FNDC3B: variants seen among roughly 807,000 people sequenced by gnomAD.
FNDC3B encodes fibronectin type III domain containing 3B.
A neutral mutation model predicts 151.5 loss-of-function variants in FNDC3B; 12 were observed. The observed-to-expected ratio is 0.08, with a 90% confidence interval of 0.05 to 0.13. The LOEUF is 0.13. Among genes scored for constraint, FNDC3B ranks in the 10% least tolerant of loss-of-function variants. The probability of loss-of-function intolerance (pLI) is 1.00; values close to 1 mark genes in which losing one functional copy is unlikely to be tolerated. For missense variants in FNDC3B, 1,214 were observed against 1,505.3 expected (o/e 0.81, Z 3.20); for synonymous variants, 528 against 549.0 (o/e 0.96, Z 0.54).
intron 15 of FNDC3B, chr3:172,335,315 A>G (rs1732906486): frequency 1.6e-5 from 6 of 381,898 alleles, no homozygotes; most frequent in Non-Finnish European, 4.6e-6. Context: ...GGAAATTAAA[A>G]TGGATGATTT....
At chr3:172,370,698 G>T (rs539861981) in intron 23 of FNDC3B, among the ~76,000 whole-genome samples, 1 of 152,142 alleles carries the variant, frequency 6.6e-6, no homozygotes, top group Non-Finnish European at 1.5e-5. Context: ...GCTCTGTCCC[G>T]CCATGGAGTA....
At chr3:172,285,872 A>G (rs1729982038) in intron 6 of FNDC3B, 54 bp from the exon 7 acceptor site, 3 of 1,391,144 alleles carry the variant, frequency 2.2e-6, no homozygotes, top group Admixed American at 1.7e-5. Context: ...GAACTTGACA[A>G]CCTTACTGCC....
chr3:172,310,367 G>A (rs940993132), intron 10 of FNDC3B, among the ~76,000 whole-genome samples: 2 of 152,212 alleles, frequency 1.3e-5, no homozygotes, highest in South Asian at 4.1e-4. Flanking sequence ...GTCGCTGATG[G>A]CTTTCTAATC....
chr3:172,063,214 A>G (rs1025555850), intron 1 of FNDC3B, among the ~76,000 whole-genome samples: 20 of 151,960 alleles, frequency 1.3e-4, no homozygotes, highest in African/African-American at 4.6e-4. Context: ...GTCTTTTTCT[A>G]CAGTCTATTC....
chr3:172,337,828 A>T (rs927690642), intron 16 of FNDC3B: 2 of 205,720 alleles, frequency 9.7e-6, no homozygotes, highest in African/African-American at 4.8e-5. Context: ...TACATTTTTC[A>T]TAGTGATGGG....
At chr3:172,066,101 C>T (rs1358680260) in intron 1 of FNDC3B, among the ~76,000 whole-genome samples, 1 of 152,128 alleles carries the variant, frequency 6.6e-6, no homozygotes, top group African/African-American at 2.4e-5. Context: ...ATTTGGGTTG[C>T]GTTTGCTTGT....
chr3:172,317,255 C>G (rs1347263360), intron 11 of FNDC3B: 1 of 405,856 alleles, frequency 2.5e-6, no homozygotes, highest in Non-Finnish European at 4.8e-6. Flanking sequence ...GCGATCTCAG[C>G]TCACTGCAAC....
intron 16 of FNDC3B, 179 bp downstream of exon 16, chr3:172,337,580 T>A: frequency 1.9e-6 from 1 of 517,258 alleles, no homozygotes; most frequent in Non-Finnish European, 3.4e-6. Flanking sequence ...GCACCAGAGA[T>A]CAGAGTCTAC....
chr3:172,353,304 G>T (rs892014686), intron 22 of FNDC3B, among the ~76,000 whole-genome samples: 5 of 152,144 alleles, frequency 3.3e-5, no homozygotes, highest in Admixed American at 2.0e-4. Context: ...ACTCTAACCT[G>T]CACCGTCTCT....
Position 172,039,698 on chromosome 3 carries a change from G to C in FNDC3B, c.-102G>C, listed in dbSNP as rs543758391. ...CGAAGGGGGCGGCAGGGATCCTCCA[G>C]GCTGCCGGCTGGGAAGGCGTGGGCG... On this transcript the variant is annotated 5_prime_UTR_variant, in exon 1 of 26. Transcript: ENST00000415807. 601 of 159,104 alleles carry C rather than the reference G, an allele frequency of 3.8e-3. 4 individuals carry two copies. Among genetic ancestry groups the C allele is most frequent in the Non-Finnish European group, 4.8e-3 (348 of 72,672 alleles). The allele number at this position is 159,104 out of a possible 1,614,324, so 9.9% of individuals were successfully genotyped here.
intron 4 of FNDC3B, among the ~76,000 whole-genome samples, chr3:172,231,929 GGTGTGCA>G (rs1239425634): frequency 2.8e-5 from 4 of 140,758 alleles, no homozygotes; most frequent in African/African-American, 1.1e-4. Context: ...CGCCCAGGCT[GGTGTGCA>G]GTGGCATGAT....
chr3:172,273,951 C>T (rs58498298), intron 6 of FNDC3B, among the ~76,000 whole-genome samples: 1,948 of 152,194 alleles, frequency 0.013, 57 homozygotes, highest in African/African-American at 0.045. Flanking sequence ...CTTTTGGAAC[C>T]GGTGTGTGCT....
intron 3 of FNDC3B, among the ~76,000 whole-genome samples, chr3:172,153,646 G>A (rs1185584407): frequency 6.6e-6 from 1 of 152,232 alleles, no homozygotes; most frequent in Non-Finnish European, 1.5e-5. Flanking sequence ...TTTCTTATAG[G>A]AAGGAAGGAG....
At chr3:172,072,565 C>T (rs1007076167) in intron 1 of FNDC3B, among the ~76,000 whole-genome samples, 5 of 152,218 alleles carry the variant, frequency 3.3e-5, no homozygotes, top group Non-Finnish European at 2.9e-5. Context: ...GAGGCATCCT[C>T]TTGTTAATTC....
At chr3:172,122,896 A>G (rs778168576) in intron 2 of FNDC3B, among the ~76,000 whole-genome samples, 21 of 152,234 alleles carry the variant, frequency 1.4e-4, no homozygotes, top group Non-Finnish European at 1.8e-4. Context: ...ACTAGAAAGT[A>G]TATCAGTAAA....
intron 4 of FNDC3B, among the ~76,000 whole-genome samples, chr3:172,241,696 C>T (rs1235727959): frequency 2.0e-5 from 3 of 152,106 alleles, no homozygotes; most frequent in Non-Finnish European, 4.4e-5. Context: ...CCACTCAGTC[C>T]CTCCCACAAC....
rs1435368002 is a variant in FNDC3B, at chr3:172,401,491, T to C, written c.*4016T>C. ...CAGAGTCTCTGTGGATAATGTACCT[T>C]GTTGCCTAATACTTTATCTGTCTAC... On this transcript the variant is annotated 3_prime_UTR_variant, in exon 26 of 26. Coordinates refer to ENST00000415807, the MANE Select transcript of FNDC3B (RefSeq NM_022763.4). 1 of 152,284 alleles carries C rather than the reference T, an allele frequency of 6.6e-6. No homozygotes were observed. The highest frequency in any genetic ancestry group is 1.5e-5 in the Non-Finnish European group (1 of 68,092). The allele number at this position is 152,284 out of a possible 1,614,324, so 9.4% of individuals were successfully genotyped here. A position where few individuals can be genotyped will look rare whatever the true frequency, so the allele number is the denominator to read the frequency against.
At chr3:172,098,439 C>A (rs1719197212) in intron 1 of FNDC3B, among the ~76,000 whole-genome samples, 1 of 152,100 alleles carries the variant, frequency 6.6e-6, no homozygotes, top group Non-Finnish European at 1.5e-5. Context: ...AATTTTTTGG[C>A]TTTGCAGTTA....
chr3:172,385,273 T>C (rs1337506065), intron 25 of FNDC3B, among the ~76,000 whole-genome samples: 1 of 152,198 alleles, frequency 6.6e-6, no homozygotes, highest in Non-Finnish European at 1.5e-5. Context: ...TGAGAGGTAA[T>C]TACTGCTGTA....
Sources: gnomAD v4.1 joint callset for allele counts (sites outside exome capture counted in the v4.1 genomes callset) on GRCh38, gnomAD v4.1.1 for gene constraint, MANE v1.5 for transcripts, NCBI Gene and HGNC (gene_info 2026-07-23, HGNC 2026-07-21) for gene names.